SF3B3: variants seen among roughly 807,000 people sequenced by gnomAD.
SF3B3 encodes the protein SAP 130.
A neutral mutation model predicts 139.2 loss-of-function variants in SF3B3; 33 were observed. The ratio of observed to expected loss-of-function variants is 0.24; its 90% CI spans 0.18 to 0.32. The LOEUF (loss-of-function observed/expected upper bound fraction) is 0.32. Ranked by LOEUF, SF3B3 falls within the 10% of genes least tolerant of loss-of-function variation. The pLI is 1.00. For synonymous variants in SF3B3, 596 were observed against 563.6 expected, an observed-to-expected ratio of 1.06 and a Z score of -0.81; for missense variants, 818 against 1,509.4, an observed-to-expected ratio of 0.54 and a Z score of 7.59.
rs2050548902 is a variant in SF3B3 at position 70,573,508 on chromosome 16, C to T, written c.*1695C>T. ...CCACCGAGCTTCCTCTGGAAGTCTG[C>T]CCATCAGCTTGCTTGTTCTCTGTTA... is the stretch of plus-strand genomic sequence containing the variant. On this transcript the variant is annotated 3_prime_UTR_variant, in exon 26 of 26. Coordinates refer to ENST00000302516, the MANE Select transcript of SF3B3 (RefSeq NM_012426.5). The T allele has an allele frequency of 1.3e-5, 2 of 152,156 alleles. No homozygotes were observed. The highest frequency in any genetic ancestry group is 2.9e-5 in the Non-Finnish European group (2 of 68,030). The allele number at this position is 152,156 out of a possible 1,614,324, so 9.4% of individuals were successfully genotyped here. A position where few individuals can be genotyped will look rare whatever the true frequency, so the allele number is the denominator to read the frequency against.
At chr16:70,543,934 GCCTCAGCCT>G (rs1195309716) in intron 9 of SF3B3, among the ~76,000 whole-genome samples, 1 of 151,666 alleles carries the variant, frequency 6.6e-6, no homozygotes, top group Admixed American at 6.6e-5. Flanking sequence ...ACTCACTGTA[GCCTCAGCCT>G]CCTGGGCTGA....
chr16:70,530,996 G>A (rs963516858), intron 4 of SF3B3, 79 bp downstream of exon 4: 3 of 1,326,124 alleles, frequency 2.3e-6, no homozygotes, highest in African/African-American at 2.9e-5. Context: ...GGCCGGGCGT[G>A]GTGGCTCACG....
intron 1 of SF3B3, among the ~76,000 whole-genome samples, chr16:70,525,225 A>G (rs2050046869): frequency 1.3e-5 from 2 of 150,792 alleles, no homozygotes; most frequent in African/African-American, 4.9e-5. Context: ...AGGGGTTTTC[A>G]CTGTGTTGGC....
At chr16:70,560,179 T>C (rs1347334920) in intron 15 of SF3B3, among the ~76,000 whole-genome samples, 1 of 152,176 alleles carries the variant, frequency 6.6e-6, no homozygotes, top group South Asian at 2.1e-4. Flanking sequence ...ATTTGAAATA[T>C]ACAGTAGTGA....
chr16:70,526,427 C>T (rs905486386), intron 1 of SF3B3, among the ~76,000 whole-genome samples, 160 bp from the exon 2 acceptor site: 2 of 152,116 alleles, frequency 1.3e-5, no homozygotes, highest in Non-Finnish European at 2.9e-5. Context: ...AAGCTGGTCT[C>T]GAACTCCTGA....
In SF3B3 at chr16:70,554,492, A is replaced by G. The variant is rs1567419610; in HGVS notation, c.1449A>G (p.Leu483=). ...YIIVSFVNAT[L]VLSIGETVEE... ...TTGTGTCTTTCGTGAATGCCACCCT[A>G]GTGTTGTCCATTGGAGAAACTGTAG... Residue 483 remains leucine (L), a synonymous_variant, in exon 12 of 26, where the codon CTA becomes CTG. Transcript: ENST00000302516. 1 of 1,614,076 alleles carries G rather than the reference A, an allele frequency of 6.2e-7. No homozygotes were observed. The highest frequency in any genetic ancestry group is 1.7e-5 in the Admixed American group (1 of 60,024).
At chr16:70,571,624 C>CT in intron 25 of SF3B3, 49 bp from the exon 26 acceptor site, 3 of 1,580,182 alleles carry the variant, frequency 1.9e-6, no homozygotes, top group Non-Finnish European at 2.6e-6. Flanking sequence ...GTGCCATTTT[C>CT]TTTGGGCATC....
intron 3 of SF3B3, 110 bp from the exon 4 acceptor site, chr16:70,530,635 A>T: frequency 1.1e-6 from 1 of 903,608 alleles, no homozygotes; most frequent in South Asian, 1.6e-5. Flanking sequence ...TTGTAGAGTT[A>T]CTGCTGTTAA....
In SF3B3 at chr16:70,526,688, C is replaced by G. The variant is rs1213352324; in HGVS notation, c.32C>G (p.Ala11Gly). Residue 11 changes from alanine to glycine, a missense_variant, in exon 2 of 26, where the codon GCC becomes GGC. By Grantham distance (60) the Ala-to-Gly change is moderately conservative. Around this residue, in one of 14 missense-constraint regions of SF3B3, gnomAD observed 144 missense variants for 259.2 expected, o/e 0.56. Coordinates refer to ENST00000302516, the MANE Select transcript of SF3B3 (RefSeq NM_012426.5). Reference sequence around the variant, plus strand: ...CTGTACAACTTAACCTTGCAGAGAGCCACTGGCATCAGCTTTGCCATTCAT... The same window carrying G: ...CTGTACAACTTAACCTTGCAGAGAGGCACTGGCATCAGCTTTGCCATTCAT... MFLYNLTLQR[A>G]TGISFAIHGN... 1 of 1,613,994 alleles carries G rather than the reference C, an allele frequency of 6.2e-7. No homozygotes were observed. Among genetic ancestry groups the G allele is most frequent in the Admixed American group, 1.7e-5 (1 of 60,000 alleles).
At position 70,538,346 on chromosome 16, in the gene SF3B3, A is replaced by AG; in HGVS notation, c.851dup (p.Met285AsnfsTer10). The AG allele has an allele frequency of 6.2e-7, 1 of 1,614,044 alleles. No homozygotes were observed. Among genetic ancestry groups the AG allele is most frequent in the Non-Finnish European group, 8.5e-7 (1 of 1,179,912 alleles). On this transcript the variant is annotated frameshift_variant, in exon 7 of 26. Coordinates refer to ENST00000302516, the MANE Select transcript of SF3B3 (RefSeq NM_012426.5). LOFTEE classifies it high-confidence loss of function. ...AGAATGACCTGGATGACCCTGAAAG[A>AG]GGAATGATTTTTGTCTGCTCTGCAA... is the stretch of plus-strand genomic sequence containing the variant.
At chr16:70,525,048 T>C (rs556363243) in intron 1 of SF3B3, 2 of 150,452 alleles carry the variant, frequency 1.3e-5, no homozygotes, top group African/African-American at 4.9e-5. Flanking sequence ...TGTTTTGTTT[T>C]TGAGACGAAG....
intron 7 of SF3B3, 84 bp downstream of exon 7, chr16:70,538,544 T>A: frequency 1.6e-6 from 2 of 1,249,508 alleles, no homozygotes; most frequent in Non-Finnish European, 2.2e-6. Flanking sequence ...GTTAAAAAAA[T>A]GAGAACTTAG....
intron 17 of SF3B3, among the ~76,000 whole-genome samples, chr16:70,562,515 C>G (rs1392977942): frequency 6.6e-6 from 1 of 152,152 alleles, no homozygotes; most frequent in Non-Finnish European, 1.5e-5. Context: ...ATCTTCTGCT[C>G]CAGCAGAATT....
intron 10 of SF3B3, 60 bp from the exon 11 acceptor site, chr16:70,548,310 G>A (rs1310567240): frequency 2.2e-6 from 3 of 1,354,690 alleles, no homozygotes; most frequent in Non-Finnish European, 3.2e-6. Flanking sequence ...TGATGTGATT[G>A]TAAGCAGGTA....
intron 1 of SF3B3, among the ~76,000 whole-genome samples, chr16:70,525,189 C>G (rs1457830627): frequency 6.6e-6 from 1 of 152,082 alleles, no homozygotes. Flanking sequence ...GCCACCGCGC[C>G]CGGCTAGTTT....
At position 70,569,149 on chromosome 16, in the gene SF3B3, T is replaced by C. The variant is rs747599296; in HGVS notation, c.3264+8T>C. On this transcript the variant is annotated splice_region_variant and intron_variant, in intron 23 of 25. Coordinates refer to ENST00000302516, the MANE Select transcript of SF3B3 (RefSeq NM_012426.5). Reference sequence around the variant, plus strand: ...AATGGGGCCTCCCAGAAGGTAAGATTGCAGAATGGGCCCCAGGGAGAACAC... The same window carrying C: ...AATGGGGCCTCCCAGAAGGTAAGATCGCAGAATGGGCCCCAGGGAGAACAC... 6 of 1,593,198 alleles carry C rather than the reference T, an allele frequency of 3.8e-6. No individual in the cohort carries two copies. The highest frequency in any genetic ancestry group is 4.3e-6 in the Non-Finnish European group (5 of 1,164,758).
At chr16:70,537,452 T>C (rs1385758543) in intron 6 of SF3B3, among the ~76,000 whole-genome samples, 1 of 152,230 alleles carries the variant, frequency 6.6e-6, no homozygotes, top group Non-Finnish European at 1.5e-5. Context: ...GTGGTTTTGG[T>C]GTGGATTCTT....
chr16:70,527,023 T>G (rs1162889394), intron 2 of SF3B3: 2 of 344,334 alleles, frequency 5.8e-6, no homozygotes, highest in Non-Finnish European at 1.1e-5. Context: ...GTGTAAGACC[T>G]GATCTTTGAT....
rs945259808 is a variant in SF3B3 at position 70,568,942 on chromosome 16, C to G, written c.3166-101C>G. On this transcript the variant is annotated intron_variant, in intron 22 of 25. Coordinates refer to ENST00000302516, the MANE Select transcript of SF3B3 (RefSeq NM_012426.5). ...GCTCAGGCCTCTGTCTAGGCAGTGCCCCTGTGGCTGACTTGCAAAGACCTG... is the reference window on the plus strand; with the variant it reads ...GCTCAGGCCTCTGTCTAGGCAGTGCGCCTGTGGCTGACTTGCAAAGACCTG... 4.4e-5 allele frequency: 33 copies of G among 744,812 alleles called. No individual in the cohort carries two copies. The African/African-American group carries it at 4.7e-4, about 11-fold the overall frequency. 46.1% of individuals were successfully genotyped at this position (744,812 alleles called of 1,614,324 possible). A position where few individuals can be genotyped will look rare whatever the true frequency, so the allele number is the denominator to read the frequency against.
Sources: allele counts gnomAD v4.1 joint callset (sites outside exome capture counted in the v4.1 genomes callset), GRCh38; gene constraint gnomAD v4.1.1; regional missense constraint gnomAD v4.1.1; transcripts MANE v1.5; gene names NCBI Gene and HGNC (gene_info 2026-07-23, HGNC 2026-07-21).